The following MYO10 variants were observed in gnomAD, a reference collection of about 807,000 sequenced individuals.
MYO10 encodes the protein myosin X, also known as unconventional myosin-X.
Under a neutral mutation model 257.3 loss-of-function variants are expected in MYO10, and 133 were observed. That is an observed-to-expected ratio of 0.52 (90% CI 0.45 to 0.60). MYO10 has a LOEUF of 0.60. Ranked by LOEUF, MYO10 falls within the 20% of genes least tolerant of loss-of-function variation. The probability of loss-of-function intolerance (pLI) is 0.00; values close to 1 mark genes in which losing one functional copy is unlikely to be tolerated. For missense variants in MYO10, 2,399 were observed against 2,635.7 expected, an observed-to-expected ratio of 0.91 and a Z score of 1.97; for synonymous variants, 1,104 against 1,028.6, an observed-to-expected ratio of 1.07 and a Z score of -1.40.
chr5:16,890,788 C>G (rs967041815), intron 1 of MYO10, among the ~76,000 whole-genome samples: 1 of 151,520 alleles, frequency 6.6e-6, no homozygotes, highest in Admixed American at 6.6e-5. Context: ...TGCAGGGAGC[C>G]AAGATCATGC....
At chr5:16,821,861 A>G (rs1328425897) in intron 2 of MYO10, among the ~76,000 whole-genome samples, 1 of 152,110 alleles carries the variant, frequency 6.6e-6, no homozygotes, top group Non-Finnish European at 1.5e-5. Flanking sequence ...GACCACAGGA[A>G]GACAGAATCA....
intron 2 of MYO10, among the ~76,000 whole-genome samples, chr5:16,829,569 G>A (rs2126716572): frequency 6.6e-6 from 1 of 152,240 alleles, no homozygotes; most frequent in Non-Finnish European, 1.5e-5. Flanking sequence ...ACATCATAAA[G>A]CTGCTGGCAG....
chr5:16,744,083 CT>C (rs1245297023), intron 19 of MYO10, among the ~76,000 whole-genome samples: 1 of 151,956 alleles, frequency 6.6e-6, no homozygotes, highest in Non-Finnish European at 1.5e-5. Context: ...AAAGGAAAAA[CT>C]TTTTTAAGGC....
chr5:16,664,113 G>A lies in MYO10; in HGVS notation c.*2579C>T, dbSNP rs1315349868. Reference sequence around the variant, plus strand: ...GGATGCTACCACTGGGGAAACTGAAGGGCACGCAGGCCTCCCTGTACGTTC... The same window carrying A: ...GGATGCTACCACTGGGGAAACTGAAAGGCACGCAGGCCTCCCTGTACGTTC... On this transcript the variant is annotated 3_prime_UTR_variant, in exon 41 of 41. Coordinates refer to ENST00000513610, the MANE Select transcript of MYO10 (RefSeq NM_012334.3). 6.6e-6 allele frequency: 1 copy of A among 152,180 alleles called. No homozygotes were observed. Among genetic ancestry groups the A allele is most frequent in the African/African-American group, 2.4e-5 (1 of 41,454 alleles). The allele number at this position is 152,180 out of a possible 1,614,324, so 9.4% of individuals were successfully genotyped here.
intron 2 of MYO10, among the ~76,000 whole-genome samples, chr5:16,863,154 AAAG>A (rs1294013518): frequency 7.9e-5 from 12 of 152,226 alleles, no homozygotes; most frequent in Admixed American, 1.3e-4. Flanking sequence ...ACAGGAAACC[AAAG>A]AAGGTCACGA....
intron 1 of MYO10, among the ~76,000 whole-genome samples, chr5:16,894,380 T>C (rs1405075418): frequency 1.3e-5 from 2 of 152,194 alleles, no homozygotes; most frequent in Non-Finnish European, 2.9e-5. Flanking sequence ...TGGTTTTTGA[T>C]AATGGCTCTA....
chr5:16,749,792 G>A (rs1392586015), intron 19 of MYO10, among the ~76,000 whole-genome samples: 1 of 152,206 alleles, frequency 6.6e-6, no homozygotes, highest in Non-Finnish European at 1.5e-5. Context: ...AGGCAACTGC[G>A]GGCAACTGGT....
At chr5:16,800,405 A>G (rs1284815369) in intron 3 of MYO10, among the ~76,000 whole-genome samples, 1 of 152,174 alleles carries the variant, frequency 6.6e-6, no homozygotes, top group Admixed American at 6.6e-5. Flanking sequence ...TTAAAAATAT[A>G]TTTTTAAAAT....
chr5:16,766,223 A>G (rs1276328185), intron 10 of MYO10, 25 bp from the exon 11 acceptor site: 1 of 1,569,968 alleles, frequency 6.4e-7, no homozygotes, highest in South Asian at 1.1e-5. Context: ...ACAAAGGTGA[A>G]TGAACCCACC....
rs1274760907 is a variant in MYO10, at chr5:16,674,952, C to A, written c.4865G>T (p.Ser1622Ile). The change falls in exon 35 of 41, where the codon AGT becomes ATT. Residue 1622 changes from serine to isoleucine, a missense_variant. Around this residue, in one of 3 missense-constraint regions of MYO10, gnomAD observed 1,820 missense variants for 1,939.4 expected, o/e 0.94. Coordinates refer to ENST00000513610, the MANE Select transcript of MYO10 (RefSeq NM_012334.3). Reference sequence around the variant, plus strand: ...CTGCCAGCTGTACAGGTTGCCCACACTGCCGGGGTGGGGCACTTTGTTGGT... The same window carrying A: ...CTGCCAGCTGTACAGGTTGCCCACAATGCCGGGGTGGGGCACTTTGTTGGT... ...KQTNKVPHPGSVGNLYSWQIL... is the reference protein window; with the variant it reads ...KQTNKVPHPGIVGNLYSWQIL... The A allele has an allele frequency of 1.9e-6, 3 of 1,613,910 alleles. No individual in the cohort carries two copies. Among genetic ancestry groups the A allele is most frequent in the Non-Finnish European group, 2.5e-6 (3 of 1,179,898 alleles).
chr5:16,903,986 A>C (rs1745453798), intron 1 of MYO10, among the ~76,000 whole-genome samples: 1 of 152,158 alleles, frequency 6.6e-6, no homozygotes, highest in Non-Finnish European at 1.5e-5. Flanking sequence ...TCAAAGTGTA[A>C]GTGTCTTGTA....
At position 16,872,791 on chromosome 5, in the gene MYO10, C is replaced by T. The variant is rs140252816; in HGVS notation, c.120+4818G>A. On this transcript the variant is annotated intron_variant, in intron 2 of 40. Coordinates refer to ENST00000513610, the MANE Select transcript of MYO10 (RefSeq NM_012334.3). ...AAAATGAGGAAGCAAAAGCAGAAAC[C>T]CCTGATAAACTCATCAGATCTTGTG... is the stretch of plus-strand genomic sequence containing the variant. 4.0e-3 allele frequency among the ~76,000 whole-genome samples: 610 copies of T among 152,210 alleles called. 1 individual carries two copies. The highest frequency in any genetic ancestry group is 5.5e-3 in the Non-Finnish European group (376 of 68,002).
In MYO10 at chr5:16,909,505, C is replaced by CAAA. The variant is rs36053061; in HGVS notation, c.21+26280_21+26282dup. Among the ~76,000 whole-genome samples the CAAA allele has an allele frequency of 6.5e-5, 7 of 107,574 alleles. No individual in the cohort carries two copies. The East Asian group carries it at 1.9e-3, about 29-fold the overall frequency. 70.6% of individuals were successfully genotyped at this position (107,574 alleles called of 152,430 possible). ...CAGCCAACAGAGCGAAACTCCAACT[C>CAAA]AAAAAAAAAAAAAAAAAACCATCAG... On this transcript the variant is annotated intron_variant, in intron 1 of 40. Transcript: ENST00000513610.
At chr5:16,794,865 A>G in intron 3 of MYO10, 32 bp from the exon 4 acceptor site, 2 of 1,415,710 alleles carry the variant, frequency 1.4e-6, no homozygotes, top group Non-Finnish European at 9.3e-7. Context: ...GGGATGCGTC[A>G]CTTCTAACCC....
At chr5:16,885,741 T>C (rs1315709024) in intron 1 of MYO10, among the ~76,000 whole-genome samples, 1 of 151,408 alleles carries the variant, frequency 6.6e-6, no homozygotes. Context: ...AAAATGAGTA[T>C]GACAAATGCA....
chr5:16,846,522 T>C (rs1270042952), intron 2 of MYO10, among the ~76,000 whole-genome samples: 4 of 152,226 alleles, frequency 2.6e-5, no homozygotes, highest in South Asian at 4.1e-4. Flanking sequence ...TGATTCACTT[T>C]CAAAGGCTAT....
chr5:16,817,994 A>G lies in MYO10; in HGVS notation c.279+15T>C. ...ACGTGAGGATCTTTTTAAAGGAATTACAAGTGGAACTTACATATATTTGAT... is the reference window on the plus strand; with the variant it reads ...ACGTGAGGATCTTTTTAAAGGAATTGCAAGTGGAACTTACATATATTTGAT... On this transcript the variant is annotated intron_variant, in intron 3 of 40. Coordinates refer to ENST00000513610, the MANE Select transcript of MYO10 (RefSeq NM_012334.3). 6.6e-7 allele frequency: 1 copy of G among 1,506,338 alleles called. No homozygotes were observed. 93.3% of individuals were successfully genotyped at this position (1,506,338 alleles called of 1,614,324 possible). A position where few individuals can be genotyped will look rare whatever the true frequency, so the allele number is the denominator to read the frequency against.
In MYO10 at chr5:16,912,383, C is replaced by G. The variant is rs544908478; in HGVS notation, c.21+23405G>C. 3.7e-4 allele frequency among the ~76,000 whole-genome samples: 56 copies of G among 152,296 alleles called. No homozygotes were observed. The South Asian group carries it at 0.011, about 30-fold the overall frequency. On this transcript the variant is annotated intron_variant, in intron 1 of 40. Transcript: ENST00000513610. The stretch of plus-strand genomic sequence containing the variant: ...AGTGAGCTCCGGTGAGCCACAGTCC[C>G]CACCACTCCCTATGGCACACGACCT...
At chr5:16,788,518 A>G (rs1310613326) in intron 4 of MYO10, among the ~76,000 whole-genome samples, 5 of 152,102 alleles carry the variant, frequency 3.3e-5, no homozygotes, top group African/African-American at 1.2e-4. Flanking sequence ...TAGGAGGCAC[A>G]AGAGGAGGGA....
Sources: gnomAD v4.1 joint callset for allele counts (sites outside exome capture counted in the v4.1 genomes callset) on GRCh38, gnomAD v4.1.1 for gene constraint, gnomAD v4.1.1 regional missense constraint, MANE v1.5 for transcripts, NCBI Gene and HGNC (gene_info 2026-07-23, HGNC 2026-07-21) for gene names.